DCC: variants seen among roughly 807,000 people sequenced by gnomAD.
DCC encodes netrin receptor DCC.
Under a neutral mutation model 172.5 loss-of-function variants are expected in DCC, and 58 were observed. The observed-to-expected ratio is 0.34, with a 90% confidence interval of 0.27 to 0.42. The LOEUF is 0.42. DCC is among the 10% of genes least tolerant of loss of function. The probability of loss-of-function intolerance (pLI) is 1.00; values close to 1 mark genes in which losing one functional copy is unlikely to be tolerated. For synonymous variants in DCC, 709 were observed against 644.5 expected (o/e 1.10, Z -1.52); for missense variants, 1,740 against 1,791.0 (o/e 0.97, Z 0.51).
chr18:53,393,156 TG>T (rs1353370217), intron 17 of DCC, among the ~76,000 whole-genome samples: 2 of 61,960 alleles, frequency 3.2e-5, no homozygotes, highest in Non-Finnish European at 1.1e-4. Flanking sequence ...ATTTCGAGGA[TG>T]TTTTTTAACC....
At chr18:53,466,207 A>T (rs1448756841) in intron 24 of DCC, among the ~76,000 whole-genome samples, 1 of 152,154 alleles carries the variant, frequency 6.6e-6, no homozygotes, top group Non-Finnish European at 1.5e-5. Flanking sequence ...GGCATGAGCT[A>T]CACACTCAGT....
At chr18:53,426,758 CT>C (rs1164790838) in intron 21 of DCC, among the ~76,000 whole-genome samples, 1 of 152,012 alleles carries the variant, frequency 6.6e-6, no homozygotes, top group Non-Finnish European at 1.5e-5. Flanking sequence ...ATTCCTAATG[CT>C]TAGCACTGTG....
chr18:53,512,742 A>C (rs4544302), intron 27 of DCC, among the ~76,000 whole-genome samples: 1 of 145,906 alleles, frequency 6.9e-6, no homozygotes, highest in African/African-American at 2.7e-5. Context: ...GAAATGAAGC[A>C]AGAAGGGAAG....
chr18:52,700,765 C>T (rs746345494), intron 1 of DCC, among the ~76,000 whole-genome samples: 4 of 152,152 alleles, frequency 2.6e-5, no homozygotes, highest in Admixed American at 6.5e-5. Context: ...CTGACAGAGT[C>T]GGCTTATAAA....
intron 13 of DCC, among the ~76,000 whole-genome samples, chr18:53,313,272 G>A (rs1026530030): frequency 1.3e-5 from 2 of 152,016 alleles, no homozygotes; most frequent in African/African-American, 4.8e-5. Flanking sequence ...TGAAGACAGA[G>A]TCTCGCTCTG....
At chr18:52,883,897 T>A (rs776407418) in intron 2 of DCC, among the ~76,000 whole-genome samples, 8 of 151,812 alleles carry the variant, frequency 5.3e-5, no homozygotes, top group Non-Finnish European at 1.2e-4. Context: ...CTGGTGTTGA[T>A]GAAATCCCCT....
At chr18:52,706,784 C>T (rs551661706) in intron 1 of DCC, among the ~76,000 whole-genome samples, 115 of 152,316 alleles carry the variant, frequency 7.6e-4, no homozygotes, top group African/African-American at 2.5e-3. Context: ...GGTGCTCACA[C>T]TCTACTACTT....
chr18:52,629,079 T>C (rs907313531), intron 1 of DCC, among the ~76,000 whole-genome samples: 1 of 152,214 alleles, frequency 6.6e-6, no homozygotes, highest in Non-Finnish European at 1.5e-5. Context: ...GGGGAATGTC[T>C]ACTCACTTTC....
chr18:52,841,649 T>G (rs547675519), intron 2 of DCC, among the ~76,000 whole-genome samples: 32 of 152,242 alleles, frequency 2.1e-4, no homozygotes, highest in African/African-American at 6.7e-4. Context: ...AAAAATAGGT[T>G]CACTGGGTAT....
intron 2 of DCC, among the ~76,000 whole-genome samples, chr18:52,778,816 T>G (rs76362387): frequency 0.053 from 8,052 of 152,310 alleles, 288 homozygotes; most frequent in South Asian, 0.16. Flanking sequence ...TTTTCCACAC[T>G]TAGGCATCAA....
chr18:53,409,396 ATG>A (rs368850808), intron 19 of DCC, among the ~76,000 whole-genome samples: 30 of 152,284 alleles, frequency 2.0e-4, no homozygotes, highest in African/African-American at 6.7e-4. Context: ...CTTACAAAGA[ATG>A]TATTTGATGC....
chr18:52,914,505 T>G (rs1054665279), intron 3 of DCC, among the ~76,000 whole-genome samples: 1 of 151,888 alleles, frequency 6.6e-6, no homozygotes, highest in South Asian at 2.1e-4. Context: ...TGGTGAATAA[T>G]AGCTCCGGAG....
chr18:52,885,444 C>T (rs1184471070), intron 2 of DCC, among the ~76,000 whole-genome samples: 1 of 152,128 alleles, frequency 6.6e-6, no homozygotes, highest in Non-Finnish European at 1.5e-5. Flanking sequence ...CCACTACCAC[C>T]AGCCCACACG....
intron 5 of DCC, among the ~76,000 whole-genome samples, chr18:52,982,164 A>T (rs1050114690): frequency 6.6e-6 from 1 of 152,132 alleles, no homozygotes; most frequent in Non-Finnish European, 1.5e-5. Flanking sequence ...TAGATGATTA[A>T]ATTTACAGAG....
chr18:53,434,691 G>A (rs1470921735), intron 21 of DCC, among the ~76,000 whole-genome samples: 1 of 152,144 alleles, frequency 6.6e-6, no homozygotes, highest in Non-Finnish European at 1.5e-5. Context: ...CCAAAGCCCA[G>A]TTATAAGATG....
At chr18:53,108,872 C>T (rs1408520632) in intron 7 of DCC, among the ~76,000 whole-genome samples, 1 of 151,304 alleles carries the variant, frequency 6.6e-6, no homozygotes, top group Non-Finnish European at 1.5e-5. Flanking sequence ...GGCTGTTTTG[C>T]TAGAATGAAC....
At chr18:53,166,569 A>T (rs780693753) in intron 8 of DCC, among the ~76,000 whole-genome samples, 1 of 151,908 alleles carries the variant, frequency 6.6e-6, no homozygotes, top group Non-Finnish European at 1.5e-5. Context: ...TTTCACCCCA[A>T]CTCCCAAGAT....
intron 8 of DCC, among the ~76,000 whole-genome samples, chr18:53,178,696 G>A (rs2055146847): frequency 6.6e-6 from 1 of 152,128 alleles, no homozygotes; most frequent in African/African-American, 2.4e-5. Flanking sequence ...ATTGTAAAGT[G>A]TCGAGGAAAA....
chr18:52,899,989 C>A (rs1021702244), intron 2 of DCC, among the ~76,000 whole-genome samples: 1 of 152,148 alleles, frequency 6.6e-6, no homozygotes, highest in Non-Finnish European at 1.5e-5. Flanking sequence ...AACATAGACT[C>A]GGCTCTGATT....
Sources: allele counts gnomAD v4.1 joint callset (sites outside exome capture counted in the v4.1 genomes callset), GRCh38; gene constraint gnomAD v4.1.1; transcripts MANE v1.5; gene names NCBI Gene and HGNC (gene_info 2026-07-23, HGNC 2026-07-21).